The following ALOXE3 variants were observed in gnomAD, a reference collection of about 807,000 sequenced individuals.
ALOXE3 encodes the protein arachidonate epidermal lipoxygenase 3.
In ALOXE3, 78 loss-of-function variants were observed where a neutral mutation model predicts 87.5. The ratio of observed to expected loss-of-function variants is 0.89; its 90% CI spans 0.74 to 1.08. The LOEUF is 1.08. Among genes scored for constraint, ALOXE3 ranks in the 50% least tolerant of loss-of-function variants. ALOXE3 has a pLI of 0.00. For synonymous variants in ALOXE3, 363 were observed against 370.8 expected (o/e 0.98, Z 0.24); for missense variants, 946 against 912.4 (o/e 1.04, Z -0.47).
intron 6 of ALOXE3, among the ~76,000 whole-genome samples, chr17:8,113,843 A>G (rs1485725990): frequency 1.3e-5 from 2 of 152,044 alleles, no homozygotes; most frequent in Non-Finnish European, 2.9e-5. Context: ...CCTAACCAAC[A>G]TGAAGAAACC....
chr17:8,114,486 A>G lies in ALOXE3; in HGVS notation c.678T>C (p.Pro226=), dbSNP rs779969393. ...CATTAGAGGGACAATGGCCTTACGC[A>G]GGGATGGCATTGAAGAGCAGCGAGA... ...KTISLLFNAI[P]ASLGMKLRGL... The change falls in exon 6 of 16, where the codon CCT becomes CCC. Residue 226 remains proline (P), a splice_region_variant and synonymous_variant. Transcript: ENST00000448843. 3.1e-6 allele frequency: 5 copies of G among 1,613,644 alleles called. No individual in the cohort carries two copies. In the Admixed American group the frequency reaches 5.0e-5, roughly 16 times the overall value.
chr17:8,110,560 T>G, intron 8 of ALOXE3, 32 bp from the exon 9 acceptor site: 1 of 1,613,142 alleles, frequency 6.2e-7, no homozygotes, highest in Non-Finnish European at 8.5e-7. Context: ...TGAGTGTCCC[T>G]CCCTACTCGC....
At chr17:8,107,176 A>C (rs146573660) in intron 13 of ALOXE3, among the ~76,000 whole-genome samples, 2 of 152,306 alleles carry the variant, frequency 1.3e-5, no homozygotes, top group Admixed American at 1.3e-4. Context: ...ATCAGCACTG[A>C]TCATGATTAA....
rs995951285 is a variant in ALOXE3, at chr17:8,116,935, A to T, written c.193T>A (p.Leu65Met). The stretch of plus-strand genomic sequence containing the variant: ...CGCTCCTTGTGTACACGCAGCAGCA[A>T]GAGCTCACCCAGCTCCGCTGTGCAA... The part of the protein sequence containing the change: ...VRCTAELGEL[L>M]LLRVHKERYA... The change falls in exon 3 of 16, where the codon TTG (leucine) becomes ATG (methionine). Residue 65 changes from leucine to methionine, a missense_variant. Physicochemically the swap from Leu to Met is conservative, Grantham distance 15. Transcript: ENST00000448843. 6.2e-7 allele frequency: 1 copy of T among 1,614,270 alleles called. No individual in the cohort carries two copies. The highest frequency in any genetic ancestry group is 8.5e-7 in the Non-Finnish European group (1 of 1,180,042).
At position 8,096,810 on chromosome 17, in the gene ALOXE3, G is replaced by A. The variant is rs1012492317; in HGVS notation, c.1957-4C>T. On this transcript the variant is annotated splice_region_variant and splice_polypyrimidine_tract_variant and intron_variant, in intron 15 of 15. Coordinates refer to ENST00000448843, the MANE Select transcript of ALOXE3 (RefSeq NM_021628.3). Reference sequence around the variant, plus strand: ...CTGGGTAGGTGCCCAGGGGCCTCTGGGAGGACATCAGGTAAGAGGTCAGGA... The same window carrying A: ...CTGGGTAGGTGCCCAGGGGCCTCTGAGAGGACATCAGGTAAGAGGTCAGGA... 4 of 1,614,036 alleles carry A rather than the reference G, an allele frequency of 2.5e-6. No individual in the cohort carries two copies. The highest frequency in any genetic ancestry group is 1.1e-5 in the South Asian group (1 of 91,074).
At chr17:8,106,609 C>A (rs561159818) in intron 13 of ALOXE3, among the ~76,000 whole-genome samples, 1 of 152,090 alleles carries the variant, frequency 6.6e-6, no homozygotes, top group Non-Finnish European at 1.5e-5. Context: ...GCCTATTTTT[C>A]CCCCATTGGA....
In ALOXE3 at chr17:8,116,790, A is replaced by G; in HGVS notation, c.338T>C (p.Leu113Pro). 1.2e-6 allele frequency: 2 copies of G among 1,614,210 alleles called. No individual in the cohort carries two copies. Among genetic ancestry groups the G allele is most frequent in the Non-Finnish European group, 1.7e-6 (2 of 1,180,038 alleles). The change falls in exon 3 of 16, where the codon CTG becomes CCG. Residue 113 changes from leucine (L) to proline (P), a missense_variant. Coordinates refer to ENST00000448843, the MANE Select transcript of ALOXE3 (RefSeq NM_021628.3). ...CTCTGGCCCACCTGTTCCTGGCCTC[A>G]GCTCCACGGTGCAGTAGCCTTCAAT... ...QWIEGYCTVELRPGTARTICQ... is the reference protein window; with the variant it reads ...QWIEGYCTVEPRPGTARTICQ...
chr17:8,109,839 G>C, intron 11 of ALOXE3, 77 bp downstream of exon 11: 1 of 1,438,214 alleles, frequency 7.0e-7, no homozygotes, highest in Non-Finnish European at 9.4e-7. Flanking sequence ...CTTGGGCGCA[G>C]AACAGGGCTT....
chr17:8,117,697 A>C, intron 2 of ALOXE3, 147 bp downstream of exon 2: 1 of 1,494,482 alleles, frequency 6.7e-7, no homozygotes, highest in South Asian at 1.3e-5. Flanking sequence ...CATCTCCAGG[A>C]AAGACAGGGA....
Position 8,110,499 on chromosome 17 carries a change from C to A in ALOXE3, c.987G>T (p.Trp329Cys), listed in dbSNP as rs369752302. Residue 329 changes from tryptophan (W) to cysteine (C), a missense_variant, in exon 9 of 16, where the codon TGG becomes TGT. Trp to Cys is a radical substitution (Grantham distance 215). Coordinates refer to ENST00000448843, the MANE Select transcript of ALOXE3 (RefSeq NM_021628.3). ...ERGNIFLADYWILAEAPTHCL... is the reference protein window; with the variant it reads ...ERGNIFLADYCILAEAPTHCL... The stretch of plus-strand genomic sequence containing the variant: ...AGTGGGTGGGGGCCTCCGCCAGGAT[C>A]CAGTAGTCCGCTAGGAAGATGTTCC... 1.4e-5 allele frequency: 22 copies of A among 1,613,824 alleles called. No homozygotes were observed. The highest frequency in any genetic ancestry group is 1.7e-5 in the Non-Finnish European group (20 of 1,179,912).
rs749864879 is a variant in ALOXE3 at position 8,114,538 on chromosome 17, T to C, written c.626A>G (p.Asn209Ser). The C allele has an allele frequency of 1.9e-5, 30 of 1,613,716 alleles. No homozygotes were observed. Among genetic ancestry groups the C allele is most frequent in the South Asian group, 1.1e-4 (10 of 91,050 alleles). ...CGTCTTGGTGGCTGAGTATCGAACATTGGGCTCCATGTACATCAGGGATGG... is the reference window on the plus strand; with the variant it reads ...CGTCTTGGTGGCTGAGTATCGAACACTGGGCTCCATGTACATCAGGGATGG... ...DIPSLMYMEP[N>S]VRYSATKTIS... The change falls in exon 6 of 16, where the codon AAT becomes AGT. Residue 209 changes from asparagine (N) to serine (S), a missense_variant. Coordinates refer to ENST00000448843, the MANE Select transcript of ALOXE3 (RefSeq NM_021628.3).
chr17:8,100,180 G>A (rs1409541576), intron 15 of ALOXE3, among the ~76,000 whole-genome samples: 1 of 152,160 alleles, frequency 6.6e-6, no homozygotes, highest in Non-Finnish European at 1.5e-5. Context: ...AGTGCTGTAA[G>A]TGACAGTCTG....
chr17:8,117,893 C>G lies in ALOXE3; in HGVS notation c.98G>C (p.Ser33Thr). 1.2e-6 allele frequency: 2 copies of G among 1,612,020 alleles called. No homozygotes were observed. The highest frequency in any genetic ancestry group is 8.5e-7 in the Non-Finnish European group (1 of 1,179,652). The change falls in exon 2 of 16, where the codon AGC becomes ACC. Residue 33 changes from serine (S) to threonine (T), a missense_variant. Ser to Thr is a moderately conservative substitution (Grantham distance 58). Coordinates refer to ENST00000448843, the MANE Select transcript of ALOXE3 (RefSeq NM_021628.3). ...CATTCGATCTAGCCGCTGCTTGGGGCTTTCACCACACGTGCCCACCAGTGT... is the reference window on the plus strand; with the variant it reads ...CATTCGATCTAGCCGCTGCTTGGGGGTTTCACCACACGTGCCCACCAGTGT... The part of the protein sequence containing the change: ...SVTLVGTCGE[S>T]PKQRLDRMGR...
rs140212580 is a variant in ALOXE3, at chr17:8,100,636, T to C, written c.1956+2687A>G. 2.0e-3 allele frequency among the ~76,000 whole-genome samples: 307 copies of C among 152,170 alleles called. 12 individuals are homozygous for C. The East Asian group carries it at 0.05, about 25-fold the overall frequency. The stretch of plus-strand genomic sequence containing the variant: ...TTTCTTTTCTTTCTTAAAGATGGGG[T>C]CTTGTTATGTGGCCCAGGCTGAAGT... On this transcript the variant is annotated intron_variant, in intron 15 of 15. Transcript: ENST00000448843.
intron 15 of ALOXE3, among the ~76,000 whole-genome samples, chr17:8,100,592 T>C (rs1295170047): frequency 6.6e-6 from 1 of 152,214 alleles, no homozygotes; most frequent in Non-Finnish European, 1.5e-5. Flanking sequence ...TAAAATCAGA[T>C]TGACATCTAA....
upstream of ALOXE3, chr17:8,118,766 C>T: frequency 6.5e-7 from 1 of 1,537,242 alleles, no homozygotes; most frequent in African/African-American, 1.4e-5. Flanking sequence ...GGTCTGAATG[C>T]CCCGCGTGGC....
In ALOXE3 at chr17:8,118,313, G is replaced by A; in HGVS notation, c.-313-10C>T. 1.3e-6 allele frequency: 2 copies of A among 1,551,838 alleles called. No individual in the cohort carries two copies. Among genetic ancestry groups the A allele is most frequent in the East Asian group, 2.4e-5 (1 of 40,920 alleles). On this transcript the variant is annotated splice_polypyrimidine_tract_variant and intron_variant, in intron 1 of 15. Transcript: ENST00000448843. ...AGGAGCCTGGGTTCCACTGCGGAGGGAGGGATCAGATGCTGAGATGGAGAA... is the reference window on the plus strand; with the variant it reads ...AGGAGCCTGGGTTCCACTGCGGAGGAAGGGATCAGATGCTGAGATGGAGAA...
chr17:8,110,358 A>G lies in ALOXE3; in HGVS notation c.1101+27T>C, dbSNP rs372005041. The G allele has an allele frequency of 6.7e-5, 108 of 1,605,576 alleles. No homozygotes were observed. In the African/African-American group the frequency reaches 1.2e-3, roughly 18 times the overall value. On this transcript the variant is annotated intron_variant, in intron 9 of 15. Coordinates refer to ENST00000448843, the MANE Select transcript of ALOXE3 (RefSeq NM_021628.3). Reference sequence around the variant, plus strand: ...GCTGGCGGTTAGCACCTGAGCCCCCATCCCGGGGCGGCGGCGCCGGGCTCA... The same window carrying G: ...GCTGGCGGTTAGCACCTGAGCCCCCGTCCCGGGGCGGCGGCGCCGGGCTCA...
chr17:8,098,048 A>G (rs535719991), intron 15 of ALOXE3, among the ~76,000 whole-genome samples: 19 of 151,950 alleles, frequency 1.3e-4, no homozygotes, highest in East Asian at 7.8e-4. Context: ...CGCCCAGCCA[A>G]TACTACTGAT....
Sources: allele counts gnomAD v4.1 joint callset (sites outside exome capture counted in the v4.1 genomes callset), GRCh38; gene constraint gnomAD v4.1.1; transcripts MANE v1.5; gene names NCBI Gene and HGNC (gene_info 2026-07-23, HGNC 2026-07-21).